The following NOL12 variants were observed in gnomAD, a reference collection of about 807,000 sequenced individuals.
The protein encoded by NOL12 is nucleolar protein 12.
Under a neutral mutation model 25.2 loss-of-function variants are expected in NOL12, and 21 were observed. The ratio of observed to expected loss-of-function variants is 0.83; its 90% CI spans 0.59 to 1.20. NOL12 has a LOEUF of 1.20. Ranked by LOEUF, NOL12 falls within the 50% of genes most tolerant of loss-of-function variation. The pLI is 0.00. For missense variants in NOL12, 286 were observed against 287.6 expected (o/e 0.99, Z 0.04); for synonymous variants, 133 against 113.8 (o/e 1.17, Z -1.08).
At position 37,692,644 on chromosome 22, in the gene NOL12, A is replaced by C; in HGVS notation, c.*1308A>C. Reference sequence around the variant, plus strand: ...TCCCAGGGCTTGCTGACGCCCGTGGACTATGGAGTCAGGATGACAGGACAG... The same window carrying C: ...TCCCAGGGCTTGCTGACGCCCGTGGCCTATGGAGTCAGGATGACAGGACAG... On this transcript the variant is annotated 3_prime_UTR_variant, in exon 6 of 6. Transcript: ENST00000359114. The C allele has an allele frequency of 2.5e-6, 1 of 398,786 alleles. No homozygotes were observed. 24.7% of individuals were successfully genotyped at this position (398,786 alleles called of 1,614,324 possible). A position where few individuals can be genotyped will look rare whatever the true frequency, so the allele number is the denominator to read the frequency against.
rs751172740 is a variant in NOL12, at chr22:37,688,294, C to T, written c.190-18C>T. 85 of 1,613,932 alleles carry T rather than the reference C, an allele frequency of 5.3e-5. No homozygotes were observed. The Admixed American group carries it at 1.4e-3, about 26-fold the overall frequency. On this transcript the variant is annotated intron_variant, in intron 2 of 5. Coordinates refer to ENST00000359114, the MANE Select transcript of NOL12 (RefSeq NM_024313.3). ...TGAGAGGCCATACTCACTGTGTTCC[C>T]TGCCTGTGTGGTTTCAGCGCCACCA...
At chr22:37,688,727 G>A in intron 3 of NOL12, 123 bp from the exon 4 acceptor site, 3 of 938,384 alleles carry the variant, frequency 3.2e-6, no homozygotes, top group East Asian at 4.9e-5. Flanking sequence ...TACAGCCAGT[G>A]ACCTTGTGGA....
chr22:37,688,068 C>T, intron 2 of NOL12, 53 bp downstream of exon 2: 1 of 1,452,452 alleles, frequency 6.9e-7, no homozygotes, highest in Non-Finnish European at 9.4e-7. Context: ...GCACTTGCAG[C>T]CTTGGATTTC....
At chr22:37,688,103 G>T (rs1921903866) in intron 2 of NOL12, 88 bp downstream of exon 2, 3 of 1,237,726 alleles carry the variant, frequency 2.4e-6, no homozygotes, top group Non-Finnish European at 3.5e-6. Context: ...CTGCTGGCAT[G>T]GGGCGATGTG....
intron 1 of NOL12, 30 bp from the exon 2 acceptor site, chr22:37,687,880 C>T (rs750296698): frequency 1.3e-5 from 20 of 1,518,734 alleles, no homozygotes; most frequent in African/African-American, 1.4e-5. Context: ...TATAATGACT[C>T]TCCTGTCTCT....
Position 37,691,561 on chromosome 22 carries a change from A to T in NOL12, c.*225A>T. 1.9e-6 allele frequency: 1 copy of T among 512,898 alleles called. No homozygotes were observed. Among genetic ancestry groups the T allele is most frequent in the Non-Finnish European group, 3.3e-6 (1 of 303,506 alleles). The allele number at this position is 512,898 out of a possible 1,614,324, so 31.8% of individuals were successfully genotyped here. On this transcript the variant is annotated 3_prime_UTR_variant, in exon 6 of 6. Coordinates refer to ENST00000359114, the MANE Select transcript of NOL12 (RefSeq NM_024313.3). The stretch of plus-strand genomic sequence containing the variant: ...AGGCAGCTGAGAGCAGGCCTCCCCC[A>T]GGAAGAGCCTTCAGAGCCACGTGGG...
chr22:37,692,716 G>A lies in NOL12; in HGVS notation c.*1380G>A. On this transcript the variant is annotated 3_prime_UTR_variant, in exon 6 of 6. Coordinates refer to ENST00000359114, the MANE Select transcript of NOL12 (RefSeq NM_024313.3). ...CAGGACTGCGGGCTCTACCCGCCCTGATGTGGGAGCTCCTGGAGTGGGGGT... is the reference window on the plus strand; with the variant it reads ...CAGGACTGCGGGCTCTACCCGCCCTAATGTGGGAGCTCCTGGAGTGGGGGT... 1 of 399,156 alleles carries A rather than the reference G, an allele frequency of 2.5e-6. No homozygotes were observed. The highest frequency in any genetic ancestry group is 4.4e-6 in the Non-Finnish European group (1 of 226,470). The allele number at this position is 399,156 out of a possible 1,614,324, so 24.7% of individuals were successfully genotyped here.
intron 2 of NOL12, 44 bp from the exon 3 acceptor site, chr22:37,688,268 C>G: frequency 6.2e-6 from 10 of 1,604,632 alleles, no homozygotes; most frequent in Non-Finnish European, 8.5e-6. Flanking sequence ...TGAGGTTGGA[C>G]TGAGAGGCCA....
At chr22:37,688,480 G>T (rs1177450137) in intron 3 of NOL12, 120 bp downstream of exon 3, 3 of 1,025,876 alleles carry the variant, frequency 2.9e-6, no homozygotes, top group Non-Finnish European at 4.6e-6. Flanking sequence ...GGTACCCTGG[G>T]GCCAGGGGTG....
At chr22:37,687,808 C>T (rs1921888005) in intron 1 of NOL12, 102 bp from the exon 2 acceptor site, 7 of 817,366 alleles carry the variant, frequency 8.6e-6, no homozygotes, top group Middle Eastern at 3.5e-4. Flanking sequence ...TGGAATGGTG[C>T]CTAGCACATA....
In NOL12 at chr22:37,692,925, T is replaced by A. The variant is rs2145800349; in HGVS notation, c.*1589T>A. On this transcript the variant is annotated 3_prime_UTR_variant, in exon 6 of 6. Transcript: ENST00000359114. The stretch of plus-strand genomic sequence containing the variant: ...TGGGAGTCTGAGGGCTGCACCCGGG[T>A]ATGGTGAGTTCCCCTCAGGGATTGT... The A allele has an allele frequency of 2.6e-6, 1 of 388,334 alleles. No individual in the cohort carries two copies. Among genetic ancestry groups the A allele is most frequent in the South Asian group, 1.4e-4 (1 of 6,922 alleles). The allele number at this position is 388,334 out of a possible 1,614,324, so 24.1% of individuals were successfully genotyped here.
rs755868562 is a variant in NOL12 at position 37,691,278 on chromosome 22, G to C, written c.584G>C (p.Arg195Pro). ...TCCAAAAAGCCCCCAAGGGCCCCTCGTACCAGCAAGGCCCAGCGCCGCCGT... is the reference window on the plus strand; with the variant it reads ...TCCAAAAAGCCCCCAAGGGCCCCTCCTACCAGCAAGGCCCAGCGCCGCCGT... ...QDSKKPPRAP[R>P]TSKAQRRRLT... The change falls in exon 6 of 6, where the codon CGT (arginine) becomes CCT (proline). Residue 195 changes from arginine to proline, a missense_variant. Transcript: ENST00000359114. 1 of 1,613,992 alleles carries C rather than the reference G, an allele frequency of 6.2e-7. No individual in the cohort carries two copies. The highest frequency in any genetic ancestry group is 1.7e-4 in the Middle Eastern group (1 of 6,058).
intron 1 of NOL12, 168 bp downstream of exon 1, chr22:37,686,643 C>CCGCCACCTTCTCCCTTCTTGACCT: frequency 2.0e-6 from 2 of 985,408 alleles, no homozygotes; most frequent in Non-Finnish European, 1.2e-6. Context: ...CCCTTCTCGG[C>CCGCCACCTTCTCCCTTCTTGACCT]CGCCACCTTC....
At chr22:37,688,096 C>T in intron 2 of NOL12, 81 bp downstream of exon 2, 2 of 1,285,262 alleles carry the variant, frequency 1.6e-6, no homozygotes, top group Middle Eastern at 2.1e-4. Flanking sequence ...GAGGCAGCTG[C>T]TGGCATGGGG....
In NOL12 at chr22:37,686,372, G is replaced by A. The variant is rs758403296; in HGVS notation, c.-21G>A. On this transcript the variant is annotated 5_prime_UTR_variant, in exon 1 of 6. Coordinates refer to ENST00000359114, the MANE Select transcript of NOL12 (RefSeq NM_024313.3). Reference sequence around the variant, plus strand: ...CACCCGGAAGTGTCTTCAGGGAGAGGAAGCCGGCGGCCTCACTGCTATGGG... The same window carrying A: ...CACCCGGAAGTGTCTTCAGGGAGAGAAAGCCGGCGGCCTCACTGCTATGGG... The A allele has an allele frequency of 1.3e-6, 2 of 1,583,520 alleles. No individual in the cohort carries two copies. The highest frequency in any genetic ancestry group is 1.7e-6 in the Non-Finnish European group (2 of 1,168,288).
chr22:37,690,655 CA>C, intron 4 of NOL12, 41 bp from the exon 5 acceptor site: 1 of 1,487,762 alleles, frequency 6.7e-7, no homozygotes, highest in Non-Finnish European at 9.3e-7. Flanking sequence ...CAGGTCCCCC[CA>C]GCTACTGCTC....
chr22:37,688,671 T>C (rs1246238062), intron 3 of NOL12, among the ~76,000 whole-genome samples, 179 bp from the exon 4 acceptor site: 2 of 152,070 alleles, frequency 1.3e-5, no homozygotes, highest in African/African-American at 4.8e-5. Flanking sequence ...AGCTAGAGCA[T>C]GAAGGAAACG....
Position 37,691,233 on chromosome 22 carries a change from A to G in NOL12, c.539A>G (p.His180Arg). 6.2e-7 allele frequency: 1 copy of G among 1,614,066 alleles called. No individual in the cohort carries two copies. Among genetic ancestry groups the G allele is most frequent in the Non-Finnish European group, 8.5e-7 (1 of 1,179,996 alleles). ...AHSRKKVKRK[H>R]PRRAQDSKKP... ...AGCCGCAAAAAGGTCAAGAGGAAAC[A>G]TCCCCGACGGGCCCAGGACTCCAAA... Residue 180 changes from histidine (H) to arginine (R), a missense_variant, in exon 6 of 6, where the codon CAT (histidine) becomes CGT (arginine). Transcript: ENST00000359114.
At chr22:37,686,752 C>G in intron 1 of NOL12, 1 of 985,478 alleles carries the variant, frequency 1.0e-6, no homozygotes, top group Non-Finnish European at 1.2e-6. Flanking sequence ...CTAGCCCAGC[C>G]CAGTCCATCG....
Sources: gnomAD v4.1 joint callset for allele counts (sites outside exome capture counted in the v4.1 genomes callset) on GRCh38, gnomAD v4.1.1 for gene constraint, MANE v1.5 for transcripts, NCBI Gene and HGNC (gene_info 2026-07-23, HGNC 2026-07-21) for gene names.